The following FAAH2 variants were observed in gnomAD, a reference collection of about 807,000 sequenced individuals.
FAAH2 encodes the protein fatty acid amide hydrolase 2.
Under a neutral mutation model 36.9 loss-of-function variants are expected in FAAH2, and 60 were observed. The observed-to-expected ratio is 1.63, with a 90% CI of 1.32 to 2.02. The LOEUF (loss-of-function observed/expected upper bound fraction) is 2.02. Among genes scored for constraint, FAAH2 ranks in the 30% most tolerant of loss-of-function variants. The pLI is 0.00. For missense variants in FAAH2, 689 were observed against 397.5 expected (o/e 1.73, Z -6.23); for synonymous variants, 214 against 143.8 (o/e 1.49, Z -3.49).
chrX:57,144,159 C>T, the FAAH2 span, among the ~76,000 whole-genome samples: 2 of 111,770 alleles, frequency 1.8e-5, no homozygotes, highest in Non-Finnish European at 3.8e-5. Flanking sequence ...TGCAAGGTTT[C>T]TGCTAAGAAG....
At chrX:57,217,913 G>A in the FAAH2 span, among the ~76,000 whole-genome samples, 27 of 111,831 alleles carry the variant, frequency 2.4e-4, no homozygotes, top group Admixed American at 2.4e-3. Context: ...CCATTTATGA[G>A]CATGGCATGT....
the FAAH2 span, among the ~76,000 whole-genome samples, chrX:57,188,206 G>A: frequency 9.1e-6 from 1 of 110,256 alleles, no homozygotes; most frequent in East Asian, 2.9e-4. Flanking sequence ...ATTTTTTGGT[G>A]GGTAGGTCAC....
At chrX:57,149,598 G>A in the FAAH2 span, among the ~76,000 whole-genome samples, 2 of 111,298 alleles carry the variant, frequency 1.8e-5, no homozygotes, top group Non-Finnish European at 3.8e-5. Flanking sequence ...GGGATCGGTG[G>A]TGATATCCCC....
intron 5 of FAAH2, among the ~76,000 whole-genome samples, chrX:57,354,330 G>T: frequency 9.0e-6 from 1 of 110,893 alleles, no homozygotes; most frequent in Middle Eastern, 4.7e-3. Context: ...GCCCGTTACA[G>T]AAAGATAAGT....
chrX:57,432,956 A>T (rs963196877), intron 8 of FAAH2, among the ~76,000 whole-genome samples: 14 of 106,659 alleles, frequency 1.3e-4, no homozygotes, highest in African/African-American at 4.8e-4. Context: ...AACTCACACG[A>T]CCCTCTCTAC....
At chrX:57,467,981 C>A (rs1003106494) in intron 10 of FAAH2, among the ~76,000 whole-genome samples, 2 of 111,851 alleles carry the variant, frequency 1.8e-5, no homozygotes, top group African/African-American at 3.3e-5. Flanking sequence ...GATACCAAGG[C>A]AAACAGGGTC....
chrX:57,346,157 G>A (rs1368883553), intron 5 of FAAH2, among the ~76,000 whole-genome samples: 1 of 110,829 alleles, frequency 9.0e-6, no homozygotes, highest in African/African-American at 3.3e-5. Flanking sequence ...CAAATGTTAA[G>A]GTTATATCCT....
the FAAH2 span, among the ~76,000 whole-genome samples, chrX:57,243,627 G>A: frequency 8.9e-6 from 1 of 112,020 alleles, no homozygotes; most frequent in Non-Finnish European, 1.9e-5. Context: ...TGGACCTACA[G>A]CAGTCTCCAG....
chrX:57,382,604 C>A (rs1767117533), intron 7 of FAAH2, among the ~76,000 whole-genome samples: 1 of 111,591 alleles, frequency 9.0e-6, no homozygotes, highest in South Asian at 3.8e-4. Context: ...TGGACACATA[C>A]ACCCTCCCAA....
chrX:57,443,051 C>T (rs951192457), intron 8 of FAAH2, among the ~76,000 whole-genome samples: 1 of 111,740 alleles, frequency 8.9e-6, no homozygotes, highest in Admixed American at 9.5e-5. Context: ...CATTGTTTTC[C>T]TTTATTTCAA....
the FAAH2 span, among the ~76,000 whole-genome samples, chrX:57,256,801 C>T: frequency 8.9e-6 from 1 of 112,057 alleles, no homozygotes; most frequent in Admixed American, 9.5e-5. Context: ...ATCCATGTGA[C>T]AAAGGGCTAA....
intron 7 of FAAH2, chrX:57,392,914 C>T (rs1016466712): frequency 2.3e-6 from 2 of 862,057 alleles, no homozygotes; most frequent in African/African-American, 2.0e-5. Flanking sequence ...TTGTGTTGAG[C>T]TTTGAGGAGT....
chrX:57,154,197 TC>T, the FAAH2 span, among the ~76,000 whole-genome samples: 1 of 110,383 alleles, frequency 9.1e-6, no homozygotes, highest in Non-Finnish European at 1.9e-5. Context: ...GTCCTTTATT[TC>T]CTGAAGTTGT....
the FAAH2 span, among the ~76,000 whole-genome samples, chrX:57,264,016 A>G: frequency 8.9e-6 from 1 of 112,218 alleles, no homozygotes; most frequent in East Asian, 2.8e-4. Context: ...ATACTGAAAT[A>G]CTAAACATAC....
the FAAH2 span, among the ~76,000 whole-genome samples, chrX:57,170,854 G>C: frequency 1.9e-5 from 2 of 107,107 alleles, no homozygotes; most frequent in African/African-American, 7.2e-5. Context: ...ACAGGCGCTC[G>C]CCACCATGAC....
At chrX:57,453,678 C>A (rs2056821887) in intron 10 of FAAH2, among the ~76,000 whole-genome samples, 1 of 112,185 alleles carries the variant, frequency 8.9e-6, no homozygotes, top group South Asian at 3.7e-4. Flanking sequence ...AGCTTCCAGC[C>A]CAGCATTCCC....
intron 10 of FAAH2, among the ~76,000 whole-genome samples, chrX:57,458,509 T>A (rs911979463): frequency 9.1e-6 from 1 of 110,299 alleles, no homozygotes; most frequent in Non-Finnish European, 1.9e-5. Context: ...AACAAAAAAA[T>A]CCTAGAAGAA....
At chrX:57,234,596 G>C in the FAAH2 span, among the ~76,000 whole-genome samples, 1 of 111,759 alleles carries the variant, frequency 8.9e-6, no homozygotes, top group Non-Finnish European at 1.9e-5. Flanking sequence ...GGGAGACAGT[G>C]ACAGATCATC....
chrX:57,325,007 A>G (rs1418696782), intron 3 of FAAH2, among the ~76,000 whole-genome samples: 1 of 112,257 alleles, frequency 8.9e-6, no homozygotes, highest in Admixed American at 9.4e-5. Context: ...ATTTTGAGAT[A>G]CGTCCCATCA....
Sources: allele counts gnomAD v4.1 joint callset (sites outside exome capture counted in the v4.1 genomes callset), GRCh38; gene constraint gnomAD v4.1.1; transcripts MANE v1.5; gene names NCBI Gene and HGNC (gene_info 2026-07-23, HGNC 2026-07-21).